The following SLC36A1 variants were observed in gnomAD, a reference collection of about 807,000 sequenced individuals.
The protein encoded by SLC36A1 is proton-coupled amino acid transporter 1.
In SLC36A1, 30 loss-of-function variants were observed where a neutral mutation model predicts 47.5. The ratio of observed to expected loss-of-function variants is 0.63; its 90% CI spans 0.47 to 0.86. SLC36A1 has a LOEUF of 0.86. SLC36A1 is among the 40% of genes least tolerant of loss of function. SLC36A1 has a pLI of 0.00. For missense variants in SLC36A1, 517 were observed against 606.0 expected, an observed-to-expected ratio of 0.85 and a Z score of 1.54; for synonymous variants, 255 against 249.7, an observed-to-expected ratio of 1.02 and a Z score of -0.20.
chr5:151,354,766 C>T, the SLC36A1 span, among the ~76,000 whole-genome samples: 2 of 152,150 alleles, frequency 1.3e-5, no homozygotes, highest in African/African-American at 4.8e-5. Flanking sequence ...GATTGGAACC[C>T]CTGCACATGC....
chr5:151,426,600 T>C, the SLC36A1 span, among the ~76,000 whole-genome samples: 1 of 152,154 alleles, frequency 6.6e-6, no homozygotes, highest in African/African-American at 2.4e-5. Flanking sequence ...ATAGAACATA[T>C]GATCGGGTGT....
the SLC36A1 span, among the ~76,000 whole-genome samples, chr5:151,371,570 T>C: frequency 1.3e-5 from 2 of 152,210 alleles, no homozygotes; most frequent in African/African-American, 4.8e-5. Flanking sequence ...ACTTTAGAGA[T>C]GAGGTCATTG....
chr5:151,512,299 T>C, the SLC36A1 span: 1 of 1,614,170 alleles, frequency 6.2e-7, no homozygotes. This position sits in a 1 kb window ranked among gnomAD's most constrained non-coding sequence, Gnocchi z 4.1. Context: ...GGCCAGCAGA[T>C]CTAGAGCCTC....
the SLC36A1 span, chr5:151,550,762 C>T: frequency 1.0e-4 from 167 of 1,614,034 alleles, no homozygotes; most frequent in Non-Finnish European, 1.4e-4. Context: ...GGCCTGGACT[C>T]GCAGGAGCTC....
upstream of SLC36A1, among the ~76,000 whole-genome samples, chr5:151,434,119 A>G (rs1057408286): frequency 1.3e-5 from 2 of 152,212 alleles, no homozygotes; most frequent in African/African-American, 2.4e-5. Flanking sequence ...GGAGGGACTC[A>G]CCTTCATTTC....
At chr5:151,364,696 C>A in the SLC36A1 span, among the ~76,000 whole-genome samples, 1 of 152,126 alleles carries the variant, frequency 6.6e-6, no homozygotes, top group East Asian at 1.9e-4. Flanking sequence ...GTTGGAAACC[C>A]AACTGAATGT....
At chr5:151,347,785 G>T in the SLC36A1 span, among the ~76,000 whole-genome samples, 4 of 152,130 alleles carry the variant, frequency 2.6e-5, no homozygotes, top group Non-Finnish European at 5.9e-5. Flanking sequence ...TATCTATTAA[G>T]CCCTGTACTA....
At chr5:151,543,396 A>G in the SLC36A1 span, 4 of 1,613,974 alleles carry the variant, frequency 2.5e-6, no homozygotes, top group South Asian at 2.2e-5. Context: ...TGTCATTTTC[A>G]TCTGTGAGGA....
At chr5:151,553,481 G>T in the SLC36A1 span, 1 of 1,061,460 alleles carries the variant, frequency 9.4e-7, no homozygotes, top group South Asian at 1.4e-5. Context: ...CTGTGATTCT[G>T]ACCAAGCAGG....
the SLC36A1 span, among the ~76,000 whole-genome samples, chr5:151,497,679 A>G: frequency 4.9e-3 from 738 of 152,138 alleles, 4 homozygotes; most frequent in African/African-American, 0.017. Flanking sequence ...TCTTTACCTC[A>G]CTATTACTGC....
chr5:151,367,281 G>A, the SLC36A1 span, among the ~76,000 whole-genome samples: 19 of 151,666 alleles, frequency 1.3e-4, no homozygotes, highest in Non-Finnish European at 2.2e-4. Flanking sequence ...GGGAGACCAG[G>A]GCTTATCTCA....
At chr5:151,378,169 C>A in the SLC36A1 span, 1 of 289,016 alleles carries the variant, frequency 3.5e-6, no homozygotes, top group South Asian at 4.7e-5. Flanking sequence ...GACAATCATT[C>A]ACTTTTATTT....
chr5:151,507,207 G>C, the SLC36A1 span: 744 of 1,611,424 alleles, frequency 4.6e-4, 3 homozygotes, highest in Middle Eastern at 3.8e-3. Context: ...GTCAGAGTGG[G>C]AAGGGACCGC....
intron 1 of SLC36A1, among the ~76,000 whole-genome samples, chr5:151,449,965 A>G (rs13362472): frequency 0.11 from 11,218 of 104,380 alleles, 1,297 homozygotes; most frequent in African/African-American, 0.34. Flanking sequence ...GCAGATGTCC[A>G]CTTATTACTA....
chr5:151,373,668 A>G, the SLC36A1 span, among the ~76,000 whole-genome samples: 2 of 152,368 alleles, frequency 1.3e-5, no homozygotes, highest in East Asian at 3.9e-4. Flanking sequence ...AGAAACTTAC[A>G]TCTATAAAAA....
the SLC36A1 span, among the ~76,000 whole-genome samples, chr5:151,404,580 A>G: frequency 1.3e-5 from 2 of 152,162 alleles, no homozygotes; most frequent in Non-Finnish European, 2.9e-5. Flanking sequence ...GAACTCCCTT[A>G]AAGATTTCTT....
intron 9 of SLC36A1, 135 bp downstream of exon 9, chr5:151,476,891 C>A: frequency 8.9e-7 from 1 of 1,122,510 alleles, no homozygotes; most frequent in Non-Finnish European, 1.3e-6. Flanking sequence ...CTGCCACTGC[C>A]AGCCCTCACT....
At chr5:151,507,351 C>G in the SLC36A1 span, 1 of 1,614,186 alleles carries the variant, frequency 6.2e-7, no homozygotes, top group Non-Finnish European at 8.5e-7. Context: ...GGAGCTGGCA[C>G]TCAATGGGTT....
chr5:151,553,471 C>T, the SLC36A1 span: 6 of 1,211,340 alleles, frequency 5.0e-6, no homozygotes, highest in Non-Finnish European at 7.1e-6. Context: ...CCAGAGCGTC[C>T]TGTGATTCTG....
Sources: gnomAD v4.1 joint callset for allele counts (sites outside exome capture counted in the v4.1 genomes callset) on GRCh38, gnomAD v4.1.1 for gene constraint, Gnocchi (gnomAD v3.1) non-coding constraint, MANE v1.5 for transcripts, NCBI Gene and HGNC (gene_info 2026-07-23, HGNC 2026-07-21) for gene names.